DLC1: variants seen among roughly 807,000 people sequenced by gnomAD.
DLC1 encodes DLC1 Rho GTPase activating protein, also known as rho GTPase-activating protein 7.
DLC1 carries 54 observed loss-of-function variants against 140.3 expected under a neutral mutation model. The observed-to-expected ratio is 0.38, with a 90% confidence interval of 0.31 to 0.48. DLC1 has a LOEUF of 0.48. DLC1 is among the 20% of genes least tolerant of loss of function. DLC1 has a pLI of 0.96. For synonymous variants in DLC1, 986 were observed against 728.1 expected, an observed-to-expected ratio of 1.35 and a Z score of -5.70; for missense variants, 2,536 against 1,907.0, an observed-to-expected ratio of 1.33 and a Z score of -6.14.
Position 13,085,636 on chromosome 8 carries a change from C to G in DLC1, c.*175G>C. ...CAGTCAAGGTCTATGAATACAGACC[C>G]TCAACAAACAGGAAGCAGCTTTAAA... On this transcript the variant is annotated 3_prime_UTR_variant, in exon 18 of 18. Transcript: ENST00000276297. 1 of 977,702 alleles carries G rather than the reference C, an allele frequency of 1.0e-6. No individual in the cohort carries two copies. The allele number at this position is 977,702 out of a possible 1,614,324, so 60.6% of individuals were successfully genotyped here.
At chr8:13,381,283 G>A (rs1242818757) in intron 4 of DLC1, among the ~76,000 whole-genome samples, 2 of 152,186 alleles carry the variant, frequency 1.3e-5, no homozygotes, top group African/African-American at 4.8e-5. Flanking sequence ...GCCGGGAGAA[G>A]ATGAAAGTGT....
At chr8:13,470,390 A>G (rs891678393) in intron 2 of DLC1, among the ~76,000 whole-genome samples, 1 of 150,678 alleles carries the variant, frequency 6.6e-6, no homozygotes, top group South Asian at 2.1e-4. Flanking sequence ...AAAACAACCA[A>G]ACAAACAACA....
At chr8:13,168,850 G>A (rs562874926) in intron 5 of DLC1, among the ~76,000 whole-genome samples, 1 of 152,312 alleles carries the variant, frequency 6.6e-6, no homozygotes, top group South Asian at 2.1e-4. Context: ...ATTCCCCACA[G>A]CAGTCAGGAA....
At chr8:13,219,022 G>GACTATAAT in intron 5 of DLC1, among the ~76,000 whole-genome samples, 1 of 82,106 alleles carries the variant, frequency 1.2e-5, no homozygotes, top group East Asian at 5.9e-4. Context: ...AATTATATAC[G>GACTATAAT]TATATAATTA....
At chr8:13,178,033 G>A (rs550815090) in intron 5 of DLC1, among the ~76,000 whole-genome samples, 1 of 152,100 alleles carries the variant, frequency 6.6e-6, no homozygotes, top group African/African-American at 2.4e-5. Context: ...CATTTTAAAT[G>A]AATTAAAAAT....
At chr8:13,521,703 G>A (rs555276290) in intron 1 of DLC1, among the ~76,000 whole-genome samples, 5 of 152,216 alleles carry the variant, frequency 3.3e-5, no homozygotes, top group Middle Eastern at 3.4e-3. Flanking sequence ...TTGGGGGAGT[G>A]AAGCAGGTAT....
intron 4 of DLC1, among the ~76,000 whole-genome samples, chr8:13,317,811 C>T (rs59270417): frequency 0.075 from 11,451 of 152,092 alleles, 492 homozygotes; most frequent in South Asian, 0.097. Context: ...AAAGCAAAGT[C>T]AGAGAAATAA....
chr8:13,546,633 C>G (rs376927706), intron 1 of DLC1, among the ~76,000 whole-genome samples: 3 of 152,130 alleles, frequency 2.0e-5, no homozygotes, highest in Non-Finnish European at 4.4e-5. Flanking sequence ...AACCAGGGCC[C>G]TCTGCTCTCT....
chr8:13,335,546 C>T (rs1006606662), intron 4 of DLC1, among the ~76,000 whole-genome samples: 2 of 152,212 alleles, frequency 1.3e-5, no homozygotes, highest in East Asian at 3.9e-4. Context: ...TTCTCTAAAC[C>T]TCGATTGAAG....
In DLC1 at chr8:13,084,286, A is replaced by C. The variant is rs537411238; in HGVS notation, c.*1525T>G. 6.6e-6 allele frequency: 1 copy of C among 152,634 alleles called. No individual in the cohort carries two copies. Among genetic ancestry groups the C allele is most frequent in the Non-Finnish European group, 1.5e-5 (1 of 68,020 alleles). The allele number at this position is 152,634 out of a possible 1,614,324, so 9.5% of individuals were successfully genotyped here. A position where few individuals can be genotyped will look rare whatever the true frequency, so the allele number is the denominator to read the frequency against. Reference sequence around the variant, plus strand: ...CTGATATCCAAAATACTCAAATTTTAAAACTCTAATCTGATGCCCTGCCCC... The same window carrying C: ...CTGATATCCAAAATACTCAAATTTTCAAACTCTAATCTGATGCCCTGCCCC... On this transcript the variant is annotated 3_prime_UTR_variant, in exon 18 of 18. Coordinates refer to ENST00000276297, the MANE Select transcript of DLC1 (RefSeq NM_182643.3).
At chr8:13,400,814 T>G (rs289582) in intron 3 of DLC1, among the ~76,000 whole-genome samples, 61,161 of 151,856 alleles carry the variant, frequency 0.4, 12,766 homozygotes, top group East Asian at 0.77. Context: ...GCCTTTAATA[T>G]GATGCTGATA....
chr8:13,581,787 G>A (rs886596549), intron 1 of DLC1, among the ~76,000 whole-genome samples: 11 of 152,102 alleles, frequency 7.2e-5, no homozygotes, highest in African/African-American at 1.4e-4. Context: ...AAGGTCCTCC[G>A]TGATTTGTCC....
Position 13,088,751 on chromosome 8 carries a change from C to T in DLC1, c.4075-47G>A, listed in dbSNP as rs544548776. The T allele has an allele frequency of 5.1e-6, 8 of 1,571,106 alleles. No individual in the cohort carries two copies. The East Asian group carries it at 9.0e-5, about 18-fold the overall frequency. ...CAGTGCCAAGGCAATCCATACACACCTAGTTTTTGAAGTCGAATTGTTAGT... is the reference window on the plus strand; with the variant it reads ...CAGTGCCAAGGCAATCCATACACACTTAGTTTTTGAAGTCGAATTGTTAGT... On this transcript the variant is annotated intron_variant, in intron 15 of 17. Transcript: ENST00000276297.
chr8:13,322,680 A>G (rs1259324203), intron 4 of DLC1, among the ~76,000 whole-genome samples: 1 of 152,196 alleles, frequency 6.6e-6, no homozygotes, highest in East Asian at 1.9e-4. Context: ...TTTCTTTTGG[A>G]AAAGTGTGTC....
intron 2 of DLC1, among the ~76,000 whole-genome samples, chr8:13,483,268 C>A (rs1404074612): frequency 2.0e-5 from 3 of 152,138 alleles, no homozygotes; most frequent in Non-Finnish European, 4.4e-5. Flanking sequence ...ACCTTGAGAT[C>A]CTTAACTTGA....
intron 5 of DLC1, among the ~76,000 whole-genome samples, chr8:13,181,842 G>A (rs954988049): frequency 6.6e-6 from 1 of 152,108 alleles, no homozygotes; most frequent in African/African-American, 2.4e-5. Context: ...AATCCTTTGG[G>A]TATATACCCA....
In DLC1 at chr8:13,582,893, T is replaced by C. The variant is rs1388311212; in HGVS notation, c.-126+21644A>G. 4.1e-4 allele frequency among the ~76,000 whole-genome samples: 36 copies of C among 87,100 alleles called. 1 individual carries two copies. Among genetic ancestry groups the C allele is most frequent in the East Asian group, 3.8e-3 (14 of 3,682 alleles). The allele number at this position is 87,100 out of a possible 152,430, so 57.1% of individuals were successfully genotyped here. A position where few individuals can be genotyped will look rare whatever the true frequency, so the allele number is the denominator to read the frequency against. On this transcript the variant is annotated intron_variant, in intron 1 of 1. Coordinates refer to the DLC1 transcript ENST00000631382. ...ATACTGTGGTCTATATATATATATATATATATATATATATATATATATATA... is the reference window on the plus strand; with the variant it reads ...ATACTGTGGTCTATATATATATATACATATATATATATATATATATATATA...
chr8:13,453,495 TATATATGTATATATATATAC>T lies in DLC1; in HGVS notation c.1023+45534_1023+45553del, dbSNP rs1260696383. ...ACATATATATGTATATATATACATA[TATATATGTATATATATATAC>T]ATATATATATATGTATATATATACA... On this transcript the variant is annotated intron_variant, in intron 2 of 17. Transcript: ENST00000276297. 9.5e-4 allele frequency among the ~76,000 whole-genome samples: 33 copies of T among 34,902 alleles called. 7 individuals carry two copies. The highest frequency in any genetic ancestry group is 4.3e-3 in the African/African-American group (32 of 7,510). The allele number at this position is 34,902 out of a possible 152,430, so 22.9% of individuals were successfully genotyped here.
intron 2 of DLC1, among the ~76,000 whole-genome samples, chr8:13,448,272 A>G (rs778969648): frequency 1.3e-5 from 2 of 152,214 alleles, no homozygotes; most frequent in Non-Finnish European, 2.9e-5. Flanking sequence ...CTGGAATAGA[A>G]GTATATATTC....
Sources: allele counts gnomAD v4.1 joint callset (sites outside exome capture counted in the v4.1 genomes callset), GRCh38; gene constraint gnomAD v4.1.1; transcripts MANE v1.5; gene names NCBI Gene and HGNC (gene_info 2026-07-23, HGNC 2026-07-21).